The following RNF13 variants were observed in gnomAD, a reference collection of about 807,000 sequenced individuals.
RNF13 encodes the protein ring finger protein 13, also known as E3 ubiquitin-protein ligase RNF13.
Under a neutral mutation model 37.7 loss-of-function variants are expected in RNF13, and 19 were observed. The observed-to-expected ratio is 0.50, with a 90% CI of 0.35 to 0.74. RNF13 has a LOEUF of 0.74. RNF13 is among the 30% of genes least tolerant of loss of function. The pLI, the probability that RNF13 is intolerant of heterozygous loss-of-function variation, is 0.01. For synonymous variants in RNF13, 144 were observed against 157.8 expected (o/e 0.91, Z 0.65); for missense variants, 375 against 453.0 (o/e 0.83, Z 1.56).
chr3:149,960,026 A>T (rs780816285), intron 8 of RNF13, 30 bp from the exon 9 acceptor site: 2 of 1,501,356 alleles, frequency 1.3e-6, no homozygotes, highest in East Asian at 4.5e-5. Context: ...AAGGTGAAAA[A>T]ATAGTTCTCT....
intron 2 of RNF13, among the ~76,000 whole-genome samples, chr3:149,846,532 T>A (rs1722655585): frequency 6.6e-6 from 1 of 152,204 alleles, no homozygotes; most frequent in South Asian, 2.1e-4. Context: ...CTTGAACTCC[T>A]GAACCTAAGG....
chr3:149,889,653 ATT>A (rs945001092), intron 4 of RNF13, among the ~76,000 whole-genome samples: 8 of 126,202 alleles, frequency 6.3e-5, no homozygotes, highest in African/African-American at 8.8e-5. Flanking sequence ...AAATCTGACA[ATT>A]TTTTTTTTTT....
chr3:149,911,389 G>A (rs7430189), intron 6 of RNF13, among the ~76,000 whole-genome samples: 50,328 of 152,116 alleles, frequency 0.33, 10,027 homozygotes, highest in East Asian at 0.63. Context: ...CTGCCGTGGT[G>A]GCTCACGCCT....
chr3:149,899,598 A>G (rs1715615541), intron 5 of RNF13, among the ~76,000 whole-genome samples: 1 of 152,246 alleles, frequency 6.6e-6, no homozygotes, highest in Non-Finnish European at 1.5e-5. Flanking sequence ...AAGTGCCAAC[A>G]GAGAGAACAT....
intron 4 of RNF13, among the ~76,000 whole-genome samples, chr3:149,886,274 A>T (rs1007500095): frequency 3.3e-5 from 5 of 152,114 alleles, no homozygotes; most frequent in African/African-American, 1.2e-4. Context: ...GAAGAATGTC[A>T]TTGGTTTTGA....
chr3:149,838,039 T>C (rs1028572562), intron 1 of RNF13, among the ~76,000 whole-genome samples: 3 of 152,130 alleles, frequency 2.0e-5, no homozygotes, highest in African/African-American at 7.2e-5. Context: ...ACAGGCCCCA[T>C]GCAAGTCCAA....
chr3:149,841,337 A>G lies in RNF13; in HGVS notation c.-16-4674A>G, dbSNP rs139633642. Among the ~76,000 whole-genome samples, 910 of 152,318 alleles carry G rather than the reference A, an allele frequency of 6.0e-3. 3 individuals are homozygous for G. The highest frequency in any genetic ancestry group is 0.01 in the Non-Finnish European group (694 of 68,026). ...ACCTAGCAGCAACAACAAAAAACCT[A>G]TGTGCTTATTTGAGAACATGTTAAT... is the stretch of plus-strand genomic sequence containing the variant. On this transcript the variant is annotated intron_variant, in intron 1 of 9. Coordinates refer to ENST00000392894, the MANE Select transcript of RNF13 (RefSeq NM_183381.3).
At chr3:149,845,156 T>C (rs1722526514) in intron 1 of RNF13, among the ~76,000 whole-genome samples, 1 of 152,226 alleles carries the variant, frequency 6.6e-6, no homozygotes, top group African/African-American at 2.4e-5. Flanking sequence ...TGAGTCTATA[T>C]GGCAGCTTCT....
chr3:149,818,277 G>A (rs900311096), intron 1 of RNF13, among the ~76,000 whole-genome samples: 21 of 152,144 alleles, frequency 1.4e-4, no homozygotes, highest in African/African-American at 4.8e-4. Context: ...GAGAAATAAG[G>A]TGCATTTTCA....
At chr3:149,831,272 C>T (rs1721015314) in intron 1 of RNF13, among the ~76,000 whole-genome samples, 1 of 152,112 alleles carries the variant, frequency 6.6e-6, no homozygotes, top group African/African-American at 2.4e-5. Flanking sequence ...GCACCACATG[C>T]CTGGAAAAGC....
chr3:149,950,803 C>G (rs556975167), intron 8 of RNF13, among the ~76,000 whole-genome samples: 2 of 152,176 alleles, frequency 1.3e-5, no homozygotes, highest in African/African-American at 4.8e-5. Context: ...GAGCCTGTGG[C>G]CCAAGGGTCT....
chr3:149,898,530 G>A (rs1715498116), intron 5 of RNF13, among the ~76,000 whole-genome samples: 1 of 152,070 alleles, frequency 6.6e-6, no homozygotes, highest in Admixed American at 6.5e-5. Context: ...ATGACCTTGG[G>A]TATATTACCT....
chr3:149,865,692 TA>T (rs1218089166), intron 3 of RNF13, among the ~76,000 whole-genome samples: 1 of 152,184 alleles, frequency 6.6e-6, no homozygotes, highest in Non-Finnish European at 1.5e-5. Flanking sequence ...AAAATTGGAA[TA>T]GATGAGCTTT....
intron 6 of RNF13, among the ~76,000 whole-genome samples, chr3:149,904,383 T>C (rs1319153027): frequency 2.0e-5 from 3 of 151,856 alleles, no homozygotes; most frequent in Non-Finnish European, 4.4e-5. Context: ...TTATTATCAT[T>C]ATTATTATTA....
At chr3:149,874,472 A>G (rs1712459363) in intron 4 of RNF13, among the ~76,000 whole-genome samples, 1 of 152,160 alleles carries the variant, frequency 6.6e-6, no homozygotes, top group Non-Finnish European at 1.5e-5. Flanking sequence ...GGGAGGATCA[A>G]ATGAACTAAT....
intron 6 of RNF13, among the ~76,000 whole-genome samples, chr3:149,909,953 A>G (rs1440076857): frequency 1.4e-4 from 2 of 14,038 alleles, no homozygotes; most frequent in African/African-American, 2.3e-4. Context: ...AAAAGAGAAG[A>G]AAAAAAAAAA....
chr3:149,870,292 C>T lies in RNF13; in HGVS notation c.196-1737C>T, dbSNP rs145527456. Among the ~76,000 whole-genome samples the T allele has an allele frequency of 2.8e-3, 429 of 151,212 alleles. 3 individuals carry two copies. Among genetic ancestry groups the T allele is most frequent in the African/African-American group, 9.9e-3 (409 of 41,324 alleles). ...GGAAATTTTCCTTGCAGTTGGTGCT[C>T]GGCAAAATGGGGGGAGGGGCATAGT... is the stretch of plus-strand genomic sequence containing the variant. On this transcript the variant is annotated intron_variant, in intron 3 of 9. Coordinates refer to ENST00000392894, the MANE Select transcript of RNF13 (RefSeq NM_183381.3).
chr3:149,896,318 A>G (rs1715259762), intron 5 of RNF13, among the ~76,000 whole-genome samples: 1 of 152,234 alleles, frequency 6.6e-6, no homozygotes, highest in Non-Finnish European at 1.5e-5. Flanking sequence ...AGGGTAGAGC[A>G]AAGTATAGAC....
At position 149,832,409 on chromosome 3, in the gene RNF13, A is replaced by C. The variant is rs1479344099; in HGVS notation, c.-16-13602A>C. ...AAAGTAATACTGGTCTTAAAAATTC[A>C]TTGTCACAGATTTAAATGTGAAGTT... On this transcript the variant is annotated intron_variant, in intron 1 of 9. Coordinates refer to ENST00000392894, the MANE Select transcript of RNF13 (RefSeq NM_183381.3). Among the ~76,000 whole-genome samples the C allele has an allele frequency of 2.0e-5, 3 of 152,208 alleles. No homozygotes were observed. The East Asian group carries it at 5.8e-4, about 29-fold the overall frequency.
Sources: allele counts gnomAD v4.1 joint callset (sites outside exome capture counted in the v4.1 genomes callset), GRCh38; gene constraint gnomAD v4.1.1; transcripts MANE v1.5; gene names NCBI Gene and HGNC (gene_info 2026-07-23, HGNC 2026-07-21).